The following PHACTR2 variants were observed in gnomAD, a reference collection of about 807,000 sequenced individuals.
PHACTR2 encodes chromosome 6 open reading frame 56.
PHACTR2 carries 30 observed loss-of-function variants against 76.0 expected under a neutral mutation model. The ratio of observed to expected loss-of-function variants is 0.39; its 90% CI spans 0.30 to 0.54. PHACTR2 has a LOEUF of 0.54. Ranked by LOEUF, PHACTR2 falls within the 20% of genes least tolerant of loss-of-function variation. The pLI is 0.61. For synonymous variants in PHACTR2, 292 were observed against 292.5 expected, an observed-to-expected ratio of 1.00 and a Z score of 0.02; for missense variants, 696 against 781.1, an observed-to-expected ratio of 0.89 and a Z score of 1.30.
chr6:143,725,671 C>T (rs569977709), intron 2 of PHACTR2, among the ~76,000 whole-genome samples: 18 of 151,684 alleles, frequency 1.2e-4, no homozygotes, highest in Non-Finnish European at 1.5e-4. Context: ...CCCGTCTCTA[C>T]GAAAAATACA....
chr6:143,789,925 G>A lies in PHACTR2; in HGVS notation c.1845+1015G>A, dbSNP rs1775638947. 6.6e-6 allele frequency among the ~76,000 whole-genome samples: 1 copy of A among 152,198 alleles called. No homozygotes were observed. The highest frequency in any genetic ancestry group is 1.5e-5 in the Non-Finnish European group (1 of 68,036). ...ATAGAAGAGAAGGAGGCTGAGAAAA[G>A]CACTCCAGGGATGTTTTAGGAAGAA... On this transcript the variant is annotated intron_variant, in intron 11 of 12. Transcript: ENST00000440869. This position sits in a 1 kb window ranked among gnomAD's most constrained non-coding sequence, Gnocchi z 5.1.
At chr6:143,711,233 T>C (rs1341582098) in intron 1 of PHACTR2, among the ~76,000 whole-genome samples, 1 of 152,218 alleles carries the variant, frequency 6.6e-6, no homozygotes, top group East Asian at 1.9e-4. Flanking sequence ...TGCTATTTTA[T>C]TGATGGAATA....
chr6:143,796,211 G>T (rs1326278144), intron 11 of PHACTR2, among the ~76,000 whole-genome samples: 2 of 152,126 alleles, frequency 1.3e-5, no homozygotes, highest in Non-Finnish European at 2.9e-5. Context: ...GAGTACACTT[G>T]CCTCCCTGTG....
At chr6:143,720,164 T>G (rs575351887) in intron 2 of PHACTR2, among the ~76,000 whole-genome samples, 189 of 152,318 alleles carry the variant, frequency 1.2e-3, no homozygotes, top group Non-Finnish European at 1.4e-3. Flanking sequence ...CATCTTCATC[T>G]ATTGTATGTG....
chr6:143,705,843 T>C (rs1220966721), intron 1 of PHACTR2, among the ~76,000 whole-genome samples: 6 of 152,180 alleles, frequency 3.9e-5, no homozygotes, highest in Non-Finnish European at 2.9e-5. Flanking sequence ...TCTCTTTCCA[T>C]ACTGCACTCT....
In PHACTR2 at chr6:143,678,924, C is replaced by T. The variant is rs1314075026; in HGVS notation, c.46+715C>T. On this transcript the variant is annotated intron_variant, in intron 1 of 12. Transcript: ENST00000440869. This position sits in a 1 kb window ranked among gnomAD's most constrained non-coding sequence, Gnocchi z 6.2. ...GGGAAGGAAGGTACGTCTGGCATTT[C>T]CCCGACAGTGTAGGGATAAAAAAAA... is the stretch of plus-strand genomic sequence containing the variant. Among the ~76,000 whole-genome samples, 2 of 150,198 alleles carry T rather than the reference C, an allele frequency of 1.3e-5. No individual in the cohort carries two copies. The highest frequency in any genetic ancestry group is 2.9e-5 in the Non-Finnish European group (2 of 67,924).
At position 143,708,607 on chromosome 6, in the gene PHACTR2, G is replaced by T. The variant is rs1368942513; in HGVS notation, c.47-3409G>T. Among the ~76,000 whole-genome samples, 1 of 152,178 alleles carries T rather than the reference G, an allele frequency of 6.6e-6. No individual in the cohort carries two copies. The highest frequency in any genetic ancestry group is 1.5e-5 in the Non-Finnish European group (1 of 68,026). On this transcript the variant is annotated intron_variant, in intron 1 of 12. Transcript: ENST00000440869. The surrounding 1 kb of genome is among the most constrained non-coding windows in gnomAD (Gnocchi z 5.5). ...ATTTTAATGGAAAACTGATCCACAA[G>T]AAAAATTATAGAAATATCAATAGCA...
chr6:143,740,069 T>C (rs1260711287), intron 2 of PHACTR2, among the ~76,000 whole-genome samples: 1 of 152,208 alleles, frequency 6.6e-6, no homozygotes, highest in Non-Finnish European at 1.5e-5. Context: ...GGAGCAGCCC[T>C]GAGGGCTGCT....
chr6:143,826,922 T>C lies in PHACTR2; in HGVS notation c.*3233T>C, dbSNP rs1776541537. 6.6e-6 allele frequency: 1 copy of C among 151,914 alleles called. No homozygotes were observed. The highest frequency in any genetic ancestry group is 1.5e-5 in the Non-Finnish European group (1 of 67,966). 9.4% of individuals were successfully genotyped at this position (151,914 alleles called of 1,614,324 possible). On this transcript the variant is annotated 3_prime_UTR_variant, in exon 13 of 13. Transcript: ENST00000440869. ...CTGGTTTCATCTTCATATTGTTTAG[T>C]AGCATAATGAGAGTAGTCCTTTATC... is the stretch of plus-strand genomic sequence containing the variant.
rs1776882576 is a variant in PHACTR2 at position 143,658,128 on chromosome 6, A to G, written c.13+49806A>G. On this transcript the variant is annotated intron_variant, in intron 1 of 11. Coordinates refer to the PHACTR2 transcript ENST00000305766. The surrounding 1 kb of genome is among the most constrained non-coding windows in gnomAD (Gnocchi z 4.1). ...CCTAAACTGGTCTTTTTATGGATAT[A>G]TGTTTTTATTTCTGCTGAATAAATG... Among the ~76,000 whole-genome samples the G allele has an allele frequency of 6.6e-6, 1 of 152,300 alleles. No individual in the cohort carries two copies. The highest frequency in any genetic ancestry group is 1.9e-4 in the East Asian group (1 of 5,188).
At chr6:143,756,170 A>C (rs1246164252) in intron 4 of PHACTR2, among the ~76,000 whole-genome samples, 3 of 152,094 alleles carry the variant, frequency 2.0e-5, no homozygotes, top group Non-Finnish European at 4.4e-5. Context: ...TATTTGAAAC[A>C]TCACCGTCAA....
intron 1 of PHACTR2, among the ~76,000 whole-genome samples, chr6:143,594,563 G>A (rs546894910): frequency 7.4e-4 from 112 of 152,370 alleles, no homozygotes; most frequent in African/African-American, 2.5e-3. Context: ...AACAATCCAC[G>A]ATGATTGGTG....
rs1196653575 is a variant in PHACTR2 at position 143,554,764 on chromosome 6, A to C, written c.217+17557A>C. The C allele has an allele frequency of 6.6e-6, 1 of 152,182 alleles. No individual in the cohort carries two copies. Among genetic ancestry groups the C allele is most frequent in the Non-Finnish European group, 1.5e-5 (1 of 68,022 alleles). The allele number at this position is 152,182 out of a possible 1,614,324, so 9.4% of individuals were successfully genotyped here. Reference sequence around the variant, plus strand: ...TAATCTTTGTCACTGCCAGTCTAAGAGGTCAAAAGTGTAATTTTGTCTTTC... The same window carrying C: ...TAATCTTTGTCACTGCCAGTCTAAGCGGTCAAAAGTGTAATTTTGTCTTTC... On this transcript the variant is annotated intron_variant, in intron 1 of 11. Coordinates refer to the PHACTR2 transcript ENST00000367584. The surrounding 1 kb of genome is among the most constrained non-coding windows in gnomAD (Gnocchi z 5.9).
intron 2 of PHACTR2, among the ~76,000 whole-genome samples, chr6:143,716,105 T>A (rs924460916): frequency 2.6e-5 from 4 of 152,092 alleles, no homozygotes; most frequent in Non-Finnish European, 5.9e-5. Flanking sequence ...GTTTGGGATG[T>A]CACAGGCTGT....
chr6:143,815,959 C>A (rs977237037), intron 12 of PHACTR2, among the ~76,000 whole-genome samples: 1 of 151,306 alleles, frequency 6.6e-6, no homozygotes, highest in African/African-American at 2.4e-5. Context: ...TATAAAGGAA[C>A]CGCCTTTATT....
chr6:143,575,164 T>C (rs1244501353), intron 1 of PHACTR2, among the ~76,000 whole-genome samples: 1 of 152,226 alleles, frequency 6.6e-6, no homozygotes, highest in Non-Finnish European at 1.5e-5. Flanking sequence ...TTTAATGTTT[T>C]ACTTTACATC....
rs1281712090 is a variant in PHACTR2, at chr6:143,739,839, C to T, written c.215-9146C>T. Among the ~76,000 whole-genome samples, 2 of 152,162 alleles carry T rather than the reference C, an allele frequency of 1.3e-5. No individual in the cohort carries two copies. The highest frequency in any genetic ancestry group is 2.9e-5 in the Non-Finnish European group (2 of 68,036). ...TGTTTGCGCAGGTCTAAGACAATCACCTCTTCCCTCCTCCCACCTCGGTCT... is the reference window on the plus strand; with the variant it reads ...TGTTTGCGCAGGTCTAAGACAATCATCTCTTCCCTCCTCCCACCTCGGTCT... On this transcript the variant is annotated intron_variant, in intron 2 of 12. Transcript: ENST00000440869. The surrounding 1 kb of genome is among the most constrained non-coding windows in gnomAD (Gnocchi z 4.3).
chr6:143,808,004 A>T (rs1352668742), intron 12 of PHACTR2, among the ~76,000 whole-genome samples: 1 of 152,190 alleles, frequency 6.6e-6, no homozygotes, highest in Non-Finnish European at 1.5e-5. Flanking sequence ...GACTTGCTCC[A>T]CAGCTTTTCT....
rs577714226 is a variant in PHACTR2, at chr6:143,816,472, T to C, written c.1923-7202T>C. Among the ~76,000 whole-genome samples, 219 of 152,304 alleles carry C rather than the reference T, an allele frequency of 1.4e-3. 1 individual carries two copies. Among genetic ancestry groups the C allele is most frequent in the Non-Finnish European group, 2.6e-3 (176 of 68,024 alleles). On this transcript the variant is annotated intron_variant, in intron 12 of 12. Coordinates refer to ENST00000440869, the MANE Select transcript of PHACTR2 (RefSeq NM_001100164.2). The surrounding 1 kb of genome is among the most constrained non-coding windows in gnomAD (Gnocchi z 4.5). ...TGGCTTTTGTTTTCCTTCTGGTTGT[T>C]ACTTTTTACCGAATCTGGGCAATCT...
Sources: gnomAD v4.1 joint callset for allele counts (sites outside exome capture counted in the v4.1 genomes callset) on GRCh38, gnomAD v4.1.1 for gene constraint, Gnocchi (gnomAD v3.1) non-coding constraint, MANE v1.5 for transcripts, NCBI Gene and HGNC (gene_info 2026-07-23, HGNC 2026-07-21) for gene names.